The following ENKUR variants were observed in gnomAD, a reference collection of about 807,000 sequenced individuals.
The protein encoded by ENKUR is enkurin, TRPC channel interacting protein, also known as enkurin.
Under a neutral mutation model 27.6 loss-of-function variants are expected in ENKUR, and 19 were observed. The observed-to-expected ratio is 0.69, with a 90% CI of 0.48 to 1.01. The LOEUF (loss-of-function observed/expected upper bound fraction) is 1.01. ENKUR is among the 50% of genes least tolerant of loss of function. ENKUR has a pLI of 0.00. For synonymous variants in ENKUR, 117 were observed against 96.9 expected (o/e 1.21, Z -1.22); for missense variants, 312 against 310.5 (o/e 1.00, Z -0.04).
chr10:25,025,557 C>A, intron 2 of ENKUR: 1 of 1,138,862 alleles, frequency 8.8e-7, no homozygotes, highest in Non-Finnish European at 1.2e-6. Context: ...ATGTAAATAT[C>A]TCTATATCTG....
At chr10:25,022,478 C>A (rs1431412691) in intron 2 of ENKUR, among the ~76,000 whole-genome samples, 2 of 152,166 alleles carry the variant, frequency 1.3e-5, no homozygotes. Flanking sequence ...ATACCTTTCA[C>A]CTTGGCTCTT....
chr10:25,052,750 G>A (rs1360848337), intron 2 of ENKUR, among the ~76,000 whole-genome samples: 4 of 151,748 alleles, frequency 2.6e-5, no homozygotes, highest in African/African-American at 9.7e-5. Context: ...TCCAGCCTGA[G>A]TTACAGAGTG....
intron 2 of ENKUR, chr10:25,023,123 T>A: frequency 8.5e-7 from 1 of 1,170,782 alleles, no homozygotes; most frequent in South Asian, 1.6e-5. Flanking sequence ...TCTACTGTAA[T>A]TAGTAACCAA....
chr10:24,999,614 G>A (rs975224028), intron 1 of ENKUR, 68 bp from the exon 2 acceptor site: 4 of 1,335,276 alleles, frequency 3.0e-6, no homozygotes, highest in African/African-American at 1.5e-5. Context: ...TTTACTTAAA[G>A]TTTAAATCTT....
intron 1 of ENKUR, among the ~76,000 whole-genome samples, chr10:25,010,445 TTTATTA>T: frequency 6.6e-6 from 1 of 151,954 alleles, no homozygotes; most frequent in East Asian, 1.9e-4. Context: ...ACTCATTTTT[TTTATTA>T]TTATTATTAT....
chr10:25,014,288 G>A (rs181231980), intron 1 of ENKUR, among the ~76,000 whole-genome samples: 25 of 152,318 alleles, frequency 1.6e-4, no homozygotes, highest in Admixed American at 1.6e-3. Flanking sequence ...TCTTGCCAGT[G>A]TAAATTGACT....
At chr10:25,017,073 T>G (rs1273263129), upstream of ENKUR, among the ~76,000 whole-genome samples, 2 of 152,184 alleles carry the variant, frequency 1.3e-5, no homozygotes, top group Non-Finnish European at 2.9e-5. Flanking sequence ...GGGTCGGCTC[T>G]GCGCCTGCTC....
At chr10:25,023,979 T>C in intron 2 of ENKUR, 1 of 1,614,220 alleles carries the variant, frequency 6.2e-7, no homozygotes, top group Non-Finnish European at 8.5e-7. Context: ...AATTCTTTAG[T>C]GAAGCTGTAA....
At chr10:24,988,358 G>GTA (rs1212477434) in intron 4 of ENKUR, among the ~76,000 whole-genome samples, 1 of 140,772 alleles carries the variant, frequency 7.1e-6, no homozygotes, top group African/African-American at 2.6e-5. Context: ...TTATATATGT[G>GTA]TATATATATT....
intron 1 of ENKUR, among the ~76,000 whole-genome samples, chr10:25,000,124 G>T (rs746440086): frequency 6.6e-6 from 1 of 152,028 alleles, no homozygotes; most frequent in Non-Finnish European, 1.5e-5. Context: ...AGTTTTCATA[G>T]ATTTGGGATT....
intron 3 of ENKUR, among the ~76,000 whole-genome samples, chr10:24,993,328 T>C (rs2132681328): frequency 6.6e-6 from 1 of 152,358 alleles, no homozygotes; most frequent in African/African-American, 2.4e-5. Context: ...TGTCACATTT[T>C]GTGTCAAGTG....
At position 24,982,728 on chromosome 10, in the gene ENKUR, C is replaced by T. The variant is rs1284528661; in HGVS notation, c.*1642G>A. 6.6e-6 allele frequency: 1 copy of T among 152,156 alleles called. No individual in the cohort carries two copies. The highest frequency in any genetic ancestry group is 2.4e-5 in the African/African-American group (1 of 41,416). 9.4% of individuals were successfully genotyped at this position (152,156 alleles called of 1,614,324 possible). ...GTTTGGGATCCCGTGGTAGGGATCA[C>T]CTTTCCAGGAACAATGGATGGGAAT... On this transcript the variant is annotated 3_prime_UTR_variant, in exon 6 of 6. Coordinates refer to ENST00000331161, the MANE Select transcript of ENKUR (RefSeq NM_145010.4).
chr10:25,043,949 A>G (rs1446398701), intron 2 of ENKUR, among the ~76,000 whole-genome samples: 2 of 148,956 alleles, frequency 1.3e-5, no homozygotes, highest in Non-Finnish European at 3.0e-5. Context: ...TACTTCCCAC[A>G]TTCCTTGAAT....
chr10:25,060,613 T>C (rs534406428), intron 2 of ENKUR, among the ~76,000 whole-genome samples: 2 of 152,328 alleles, frequency 1.3e-5, no homozygotes, highest in South Asian at 4.1e-4. Flanking sequence ...AAAGTTTGAA[T>C]GGGGCTTGAA....
At chr10:25,021,141 A>C (rs1037679101), upstream of ENKUR, among the ~76,000 whole-genome samples, 1 of 152,186 alleles carries the variant, frequency 6.6e-6, no homozygotes, top group African/African-American at 2.4e-5. Flanking sequence ...TTGTACCTAC[A>C]TATTTGGGTT....
chr10:25,048,983 A>C (rs988727847), intron 2 of ENKUR, among the ~76,000 whole-genome samples: 1 of 152,170 alleles, frequency 6.6e-6, no homozygotes, highest in African/African-American at 2.4e-5. Context: ...AGTGCCTTCT[A>C]GGAGGCTGTA....
upstream of ENKUR, among the ~76,000 whole-genome samples, chr10:25,017,325 C>CT (rs1850622941): frequency 6.6e-6 from 1 of 152,158 alleles, no homozygotes; most frequent in South Asian, 2.1e-4. Context: ...CATTTAGACG[C>CT]TTTTACCCGA....
chr10:24,996,456 G>GTATATATATA (rs1554769551), intron 2 of ENKUR, among the ~76,000 whole-genome samples: 10 of 149,806 alleles, frequency 6.7e-5, no homozygotes, highest in African/African-American at 2.0e-4. Context: ...GTGTGTGTGT[G>GTATATATATA]TATATATATA....
chr10:25,004,169 G>A (rs939188045), intron 1 of ENKUR, among the ~76,000 whole-genome samples: 2 of 152,166 alleles, frequency 1.3e-5, no homozygotes, highest in African/African-American at 4.8e-5. Flanking sequence ...TCTTTATCCA[G>A]TCTATCACTG....
Sources: gnomAD v4.1 joint callset for allele counts (sites outside exome capture counted in the v4.1 genomes callset) on GRCh38, gnomAD v4.1.1 for gene constraint, MANE v1.5 for transcripts, NCBI Gene and HGNC (gene_info 2026-07-23, HGNC 2026-07-21) for gene names.